Variants in KLF7 observed in about 807,000 individuals in gnomAD.
KLF7 encodes the protein Krueppel-like factor 7.
Under a neutral mutation model 27.3 loss-of-function variants are expected in KLF7, and 2 were observed. The ratio of observed to expected loss-of-function variants is 0.07; its 90% CI spans 0.03 to 0.23. The LOEUF (loss-of-function observed/expected upper bound fraction) is 0.23, where lower values mean the gene tolerates loss of function less well. Among genes scored for constraint, KLF7 ranks in the 10% least tolerant of loss-of-function variants. The pLI is 1.00. For missense variants in KLF7, 221 were observed against 394.1 expected, an observed-to-expected ratio of 0.56 and a Z score of 3.72; for synonymous variants, 165 against 162.4, an observed-to-expected ratio of 1.02 and a Z score of -0.12.
chr2:207,100,237 G>GT (rs2076734942), intron 2 of KLF7, among the ~76,000 whole-genome samples: 1 of 152,168 alleles, frequency 6.6e-6, no homozygotes, highest in African/African-American at 2.4e-5. Context: ...ATATTAATCC[G>GT]TTTTTTAGAG....
chr2:207,142,870 T>C (rs542494999), intron 1 of KLF7, among the ~76,000 whole-genome samples: 2 of 152,294 alleles, frequency 1.3e-5, no homozygotes, highest in South Asian at 4.1e-4. Context: ...GACAATTACA[T>C]TGGTGGTTTG....
intron 3 of KLF7, among the ~76,000 whole-genome samples, chr2:207,085,986 CAA>C (rs1162167373): frequency 3.6e-5 from 4 of 109,992 alleles, no homozygotes; most frequent in Non-Finnish European, 1.9e-5. Flanking sequence ...AAATGTTGGC[CAA>C]AAAAAAAAAA....
rs2076194351 is a variant in KLF7, at chr2:207,077,432, G to C, written c.*3781C>G. 6.6e-6 allele frequency: 1 copy of C among 152,146 alleles called. No homozygotes were observed. Among genetic ancestry groups the C allele is most frequent in the Admixed American group, 6.6e-5 (1 of 15,266 alleles). 9.4% of individuals were successfully genotyped at this position (152,146 alleles called of 1,614,324 possible). A position where few individuals can be genotyped will look rare whatever the true frequency, so the allele number is the denominator to read the frequency against. On this transcript the variant is annotated 3_prime_UTR_variant, in exon 4 of 4. Coordinates refer to ENST00000309446, the MANE Select transcript of KLF7 (RefSeq NM_003709.4). ...ATGAGGTTGGCTGTCCTTTTACCCT[G>C]TTATCATCAGGCAATCAAAGATGTA...
chr2:207,078,765 C>T lies in KLF7; in HGVS notation c.*2448G>A, dbSNP rs1361884226. 1 of 152,212 alleles carries T rather than the reference C, an allele frequency of 6.6e-6. No individual in the cohort carries two copies. The highest frequency in any genetic ancestry group is 1.5e-5 in the Non-Finnish European group (1 of 68,044). The allele number at this position is 152,212 out of a possible 1,614,324, so 9.4% of individuals were successfully genotyped here. ...TACAGCTGAGGTTCAAGGTCCCTCA[C>T]ACATCCTTCATCCAGGAAGGATGCA... On this transcript the variant is annotated 3_prime_UTR_variant, in exon 4 of 4. Transcript: ENST00000309446.
chr2:207,161,317 A>G (rs1348131142), intron 1 of KLF7, among the ~76,000 whole-genome samples: 1 of 152,172 alleles, frequency 6.6e-6, no homozygotes, highest in Non-Finnish European at 1.5e-5. Context: ...AAAGAAACAG[A>G]TTTACAGTAA....
chr2:207,107,233 A>G (rs1164300882), intron 2 of KLF7, among the ~76,000 whole-genome samples: 1 of 152,228 alleles, frequency 6.6e-6, no homozygotes. Flanking sequence ...AGAACCAAAC[A>G]GCACCCCACA....
chr2:207,124,765 A>T (rs2077435920), intron 1 of KLF7, among the ~76,000 whole-genome samples: 1 of 152,224 alleles, frequency 6.6e-6, no homozygotes, highest in South Asian at 2.1e-4. Context: ...AGCAAGAAGC[A>T]AATAGAAACA....
upstream of KLF7, chr2:207,166,102 C>CT: frequency 5.1e-6 from 5 of 974,382 alleles, no homozygotes; most frequent in Non-Finnish European, 6.0e-6. Flanking sequence ...TCCTCCTGCT[C>CT]TTCCCCCTCC....
intron 3 of KLF7, among the ~76,000 whole-genome samples, chr2:207,083,302 C>G (rs1395534003): frequency 2.0e-5 from 3 of 152,164 alleles, no homozygotes; most frequent in African/African-American, 4.8e-5. Flanking sequence ...CTCTCTCCCT[C>G]TCTTTCTCCC....
At chr2:207,091,889 T>A (rs1328517385) in intron 2 of KLF7, among the ~76,000 whole-genome samples, 1 of 152,236 alleles carries the variant, frequency 6.6e-6, no homozygotes, top group Admixed American at 6.5e-5. Context: ...GTAGCCATGA[T>A]ACATTTGTTT....
intron 1 of KLF7, among the ~76,000 whole-genome samples, chr2:207,144,261 A>G (rs2078034776): frequency 6.6e-6 from 1 of 152,248 alleles, no homozygotes; most frequent in East Asian, 1.9e-4. Flanking sequence ...GCAAGTGAAA[A>G]GTCATGTCAA....
At chr2:207,085,453 A>T (rs2076366575) in intron 3 of KLF7, among the ~76,000 whole-genome samples, 1 of 152,158 alleles carries the variant, frequency 6.6e-6, no homozygotes, top group Non-Finnish European at 1.5e-5. Flanking sequence ...CACCATCAGC[A>T]GCCTCCAACT....
chr2:207,116,880 A>G (rs1481804838), intron 2 of KLF7, among the ~76,000 whole-genome samples: 1 of 152,090 alleles, frequency 6.6e-6, no homozygotes, highest in Non-Finnish European at 1.5e-5. Context: ...GTTCCCCCAC[A>G]TCCCCCATCC....
chr2:207,102,893 G>C (rs908789198), intron 2 of KLF7, among the ~76,000 whole-genome samples: 2 of 152,040 alleles, frequency 1.3e-5, no homozygotes, highest in African/African-American at 4.8e-5. Context: ...CTGATGAGAC[G>C]TAAGTGGCAG....
chr2:207,090,288 C>A (rs1303121460), intron 2 of KLF7, among the ~76,000 whole-genome samples: 1 of 152,124 alleles, frequency 6.6e-6, no homozygotes, highest in Non-Finnish European at 1.5e-5. Context: ...CCTTCTGGCT[C>A]CTTTAAGCCA....
intron 1 of KLF7, among the ~76,000 whole-genome samples, chr2:207,137,998 A>G (rs1404045833): frequency 6.6e-6 from 1 of 152,190 alleles, no homozygotes; most frequent in African/African-American, 2.4e-5. Context: ...AAGTGCTGAG[A>G]CCCTGAAGTT....
intron 3 of KLF7, 140 bp from the exon 4 acceptor site, chr2:207,081,404 G>GT: frequency 3.8e-6 from 3 of 784,410 alleles, no homozygotes; most frequent in South Asian, 1.6e-5. Context: ...TGTTGGGAAG[G>GT]TAAGTTTAAG....
chr2:207,133,331 G>C (rs927686291), intron 1 of KLF7, among the ~76,000 whole-genome samples: 1 of 152,142 alleles, frequency 6.6e-6, no homozygotes, highest in Non-Finnish European at 1.5e-5. Context: ...CATACTACTG[G>C]GAAGTGCAAA....
chr2:207,112,535 A>C (rs2077066177), intron 2 of KLF7, among the ~76,000 whole-genome samples: 1 of 152,244 alleles, frequency 6.6e-6, no homozygotes, highest in Non-Finnish European at 1.5e-5. Flanking sequence ...GTCAAATAAG[A>C]GTTGCCTTTG....
Sources: allele counts gnomAD v4.1 joint callset (sites outside exome capture counted in the v4.1 genomes callset), GRCh38; gene constraint gnomAD v4.1.1; transcripts MANE v1.5; gene names NCBI Gene and HGNC (gene_info 2026-07-23, HGNC 2026-07-21).